The following PRKAR2A variants were observed in gnomAD, a reference collection of about 807,000 sequenced individuals.
PRKAR2A encodes cAMP-dependent protein kinase type II-alpha regulatory subunit.
Under a neutral mutation model 51.9 loss-of-function variants are expected in PRKAR2A, and 29 were observed. That is an observed-to-expected ratio of 0.56 (90% CI 0.42 to 0.76). PRKAR2A has a LOEUF of 0.76. Among genes scored for constraint, PRKAR2A ranks in the 30% least tolerant of loss-of-function variants. The probability of loss-of-function intolerance (pLI) is 0.00; values close to 1 mark genes in which losing one functional copy is unlikely to be tolerated. For missense variants in PRKAR2A, 445 were observed against 512.1 expected, an observed-to-expected ratio of 0.87 and a Z score of 1.26; for synonymous variants, 178 against 186.2, an observed-to-expected ratio of 0.96 and a Z score of 0.36.
chr3:48,768,901 C>T (rs909477756), intron 6 of PRKAR2A, among the ~76,000 whole-genome samples: 2 of 151,958 alleles, frequency 1.3e-5, no homozygotes, highest in Admixed American at 1.3e-4. Flanking sequence ...GAGTTCGAAA[C>T]CAGCCTAGCC....
At chr3:48,831,479 A>C (rs1231289925) in intron 1 of PRKAR2A, among the ~76,000 whole-genome samples, 1 of 145,456 alleles carries the variant, frequency 6.9e-6, no homozygotes. Context: ...TTATCTTCCC[A>C]CCTCAGCCTC....
rs559512890 is a variant in PRKAR2A, at chr3:48,839,561, C to T, written c.262+7774G>A. ...CAGGCATCTCTCAACATTAAATACG[C>T]ATTATAATACTTTATACTTTGAAGT... On this transcript the variant is annotated intron_variant, in intron 1 of 10. Coordinates refer to ENST00000265563, the MANE Select transcript of PRKAR2A (RefSeq NM_004157.4). Among the ~76,000 whole-genome samples the T allele has an allele frequency of 2.4e-4, 36 of 152,184 alleles. No homozygotes were observed. In the South Asian group the frequency reaches 7.3e-3, roughly 31 times the overall value.
chr3:48,793,865 G>T, intron 3 of PRKAR2A, 132 bp downstream of exon 3: 1 of 806,856 alleles, frequency 1.2e-6, no homozygotes, highest in South Asian at 1.5e-5. Context: ...CAATTTGTTA[G>T]ATTAAAAATG....
intron 6 of PRKAR2A, among the ~76,000 whole-genome samples, chr3:48,768,155 G>A (rs368119351): frequency 2.7e-4 from 41 of 151,610 alleles, no homozygotes; most frequent in Non-Finnish European, 4.9e-4. Flanking sequence ...TTAGCCAGGC[G>A]TGGTGGCGTG....
At position 48,817,781 on chromosome 3, in the gene PRKAR2A, G is replaced by GACATCTT. The variant is rs1426298713; in HGVS notation, c.263-10104_263-10098dup. ...ATATTTTAAAAACAAAAACAATGGA[G>GACATCTT]ACATCTTAACCAAGCAAAAAAAGAT... On this transcript the variant is annotated intron_variant, in intron 1 of 10. Transcript: ENST00000265563. Among the ~76,000 whole-genome samples the GACATCTT allele has an allele frequency of 5.3e-5, 8 of 151,694 alleles. No individual in the cohort carries two copies. The East Asian group carries it at 1.5e-3, about 29-fold the overall frequency.
rs750216327 is a variant in PRKAR2A at position 48,765,088 on chromosome 3, C to A, written c.799-10G>T. ...TCATTCGTTCTGACACCTGAAACAA[C>A]AAATTCACAAATAAAAGGAAAAGAC... On this transcript the variant is annotated splice_polypyrimidine_tract_variant and intron_variant, in intron 7 of 10. Coordinates refer to ENST00000265563, the MANE Select transcript of PRKAR2A (RefSeq NM_004157.4). The A allele has an allele frequency of 1.2e-6, 2 of 1,612,592 alleles. No individual in the cohort carries two copies. The highest frequency in any genetic ancestry group is 1.7e-6 in the Non-Finnish European group (2 of 1,178,722).
intron 8 of PRKAR2A, among the ~76,000 whole-genome samples, chr3:48,757,650 C>G (rs550192710): frequency 6.6e-6 from 1 of 152,150 alleles, no homozygotes; most frequent in Non-Finnish European, 1.5e-5. Context: ...AGGCCAGGCA[C>G]GGTGGCTCAC....
At chr3:48,790,159 C>T (rs890631284) in intron 4 of PRKAR2A, among the ~76,000 whole-genome samples, 2 of 152,010 alleles carry the variant, frequency 1.3e-5, no homozygotes, top group Admixed American at 6.6e-5. Flanking sequence ...TACACGGGGA[C>T]AAAGTGATGA....
At chr3:48,816,041 A>C (rs1394567255) in intron 1 of PRKAR2A, among the ~76,000 whole-genome samples, 2 of 149,218 alleles carry the variant, frequency 1.3e-5, no homozygotes, top group Admixed American at 6.9e-5. Context: ...AAAAAAAAAG[A>C]AGCTAGAAGC....
chr3:48,772,351 C>T (rs777668209), intron 6 of PRKAR2A, among the ~76,000 whole-genome samples: 11 of 151,030 alleles, frequency 7.3e-5, no homozygotes, highest in Non-Finnish European at 1.5e-4. Context: ...GGACTACAGG[C>T]GCCCATCACC....
chr3:48,836,787 G>A (rs2083293609), intron 1 of PRKAR2A, among the ~76,000 whole-genome samples: 1 of 151,136 alleles, frequency 6.6e-6, no homozygotes, highest in Non-Finnish European at 1.5e-5. Context: ...GACCAACGCT[G>A]GCAACATAGT....
At chr3:48,838,483 G>A (rs948697881) in intron 1 of PRKAR2A, among the ~76,000 whole-genome samples, 5 of 150,932 alleles carry the variant, frequency 3.3e-5, no homozygotes, top group Admixed American at 1.3e-4. Flanking sequence ...GGCACATGCC[G>A]GTAATCCCAG....
At chr3:48,764,983 C>A (rs1440968836) in intron 8 of PRKAR2A, 21 bp downstream of exon 8, 2 of 1,606,406 alleles carry the variant, frequency 1.2e-6, no homozygotes, top group Admixed American at 3.4e-5. Flanking sequence ...AGGAAAGGAG[C>A]TGCGTAAAGC....
chr3:48,791,721 A>G (rs2082391500), intron 3 of PRKAR2A, among the ~76,000 whole-genome samples: 1 of 150,844 alleles, frequency 6.6e-6, no homozygotes, highest in African/African-American at 2.4e-5. Context: ...CCTGACCAAC[A>G]TGAAGAAACC....
At chr3:48,768,531 C>T (rs1008569841) in intron 6 of PRKAR2A, among the ~76,000 whole-genome samples, 1 of 150,960 alleles carries the variant, frequency 6.6e-6, no homozygotes. Context: ...AATCTCGTGT[C>T]TACTACAAAT....
chr3:48,774,181 G>A (rs779481812), intron 5 of PRKAR2A, among the ~76,000 whole-genome samples: 10 of 151,858 alleles, frequency 6.6e-5, no homozygotes, highest in South Asian at 2.1e-4. Flanking sequence ...AATTTATGGC[G>A]TACATGTGAG....
At chr3:48,746,462 G>A (rs1319589719), downstream of PRKAR2A, 1 of 151,678 alleles carries the variant, frequency 6.6e-6, no homozygotes, top group Non-Finnish European at 1.5e-5. Flanking sequence ...TAATTTTCAA[G>A]GGCTCATACC....
chr3:48,777,901 T>C (rs530649003), intron 5 of PRKAR2A, among the ~76,000 whole-genome samples: 3 of 152,110 alleles, frequency 2.0e-5, no homozygotes, highest in South Asian at 2.1e-4. Flanking sequence ...ATAGGAAACA[T>C]AGAATTCAGT....
intron 1 of PRKAR2A, among the ~76,000 whole-genome samples, chr3:48,832,597 A>G (rs933672049): frequency 6.6e-6 from 1 of 152,182 alleles, no homozygotes; most frequent in Non-Finnish European, 1.5e-5. Flanking sequence ...ATGCTTTAAG[A>G]GACACAAAAC....
Sources: allele counts gnomAD v4.1 joint callset (sites outside exome capture counted in the v4.1 genomes callset), GRCh38; gene constraint gnomAD v4.1.1; transcripts MANE v1.5; gene names NCBI Gene and HGNC (gene_info 2026-07-23, HGNC 2026-07-21).